C3orf62: variants seen among roughly 807,000 people sequenced by gnomAD.
The protein encoded by C3orf62 is uncharacterized protein C3orf62.
A neutral mutation model predicts 21.7 loss-of-function variants in C3orf62; 16 were observed. The observed-to-expected ratio is 0.74, with a 90% CI of 0.50 to 1.12. The LOEUF (loss-of-function observed/expected upper bound fraction) is 1.12, where lower values mean the gene tolerates loss of function less well. Ranked by LOEUF, C3orf62 falls within the 50% of genes most tolerant of loss-of-function variation. The pLI is 0.00. For synonymous variants in C3orf62, 114 were observed against 117.0 expected, an observed-to-expected ratio of 0.97 and a Z score of 0.17; for missense variants, 310 against 318.8, an observed-to-expected ratio of 0.97 and a Z score of 0.21.
At chr3:49,273,472 G>C (rs190451576) in intron 2 of C3orf62, among the ~76,000 whole-genome samples, 1 of 152,040 alleles carries the variant, frequency 6.6e-6, no homozygotes, top group Admixed American at 6.6e-5. Flanking sequence ...ATGAGGTCTC[G>C]CACAGTTGCC....
intron 1 of C3orf62, chr3:49,274,641 C>T (rs1397117995): frequency 6.6e-6 from 1 of 152,474 alleles, no homozygotes; most frequent in Non-Finnish European, 1.5e-5. Context: ...TCTCCTGCCT[C>T]AGCCTCCTGA....
chr3:49,275,789 C>G (rs1240433519), intron 1 of C3orf62, among the ~76,000 whole-genome samples: 1 of 151,964 alleles, frequency 6.6e-6, no homozygotes, highest in Non-Finnish European at 1.5e-5. Context: ...CTCGGCCTCC[C>G]AAAGTGCTGG....
intron 2 of C3orf62, among the ~76,000 whole-genome samples, chr3:49,273,639 C>T (rs565281896): frequency 5.9e-5 from 9 of 151,780 alleles, no homozygotes; most frequent in Non-Finnish European, 7.4e-5. Context: ...TGTATGGTAC[C>T]CAAGCTAGAA....
chr3:49,270,386 C>A lies in C3orf62; in HGVS notation c.*794G>T, dbSNP rs2046906112. 6.6e-6 allele frequency: 1 copy of A among 150,394 alleles called. No individual in the cohort carries two copies. The highest frequency in any genetic ancestry group is 6.7e-5 in the Admixed American group (1 of 14,982). The allele number at this position is 150,394 out of a possible 1,614,324, so 9.3% of individuals were successfully genotyped here. ...TTTCTTTTTTTTTTTGAGACAGGGT[C>A]TCACTCTGTCACTCATGCTGGAGTG... On this transcript the variant is annotated 3_prime_UTR_variant, in exon 3 of 3. Coordinates refer to ENST00000343010, the MANE Select transcript of C3orf62 (RefSeq NM_198562.3).
In C3orf62 at chr3:49,271,105, G is replaced by A. The variant is rs1007386943; in HGVS notation, c.*75C>T. ...CCTTTTGAGAAATGTGGCCCCTGAC[G>A]GCCATTGTAGCTGCTTCTGCTCAGG... On this transcript the variant is annotated 3_prime_UTR_variant, in exon 3 of 3. Transcript: ENST00000343010. The A allele has an allele frequency of 6.9e-7, 1 of 1,439,688 alleles. No individual in the cohort carries two copies. The highest frequency in any genetic ancestry group is 9.4e-7 in the Non-Finnish European group (1 of 1,059,386). 89.2% of individuals were successfully genotyped at this position (1,439,688 alleles called of 1,614,324 possible).
chr3:49,277,143 C>A lies in C3orf62; in HGVS notation c.-271G>T. The A allele has an allele frequency of 2.1e-6, 3 of 1,449,338 alleles. No individual in the cohort carries two copies. The highest frequency in any genetic ancestry group is 1.8e-6 in the Non-Finnish European group (2 of 1,091,202). 89.8% of individuals were successfully genotyped at this position (1,449,338 alleles called of 1,614,324 possible). The stretch of plus-strand genomic sequence containing the variant: ...GCTCCCAGGCCGCTGGCCCTACCGG[C>A]ACCCCCCCTTTGGCGAGTCGGCAGC... On this transcript the variant is annotated 5_prime_UTR_variant, in exon 1 of 3. Transcript: ENST00000343010.
intron 2 of C3orf62, among the ~76,000 whole-genome samples, chr3:49,273,452 T>C (rs891564482): frequency 5.3e-5 from 8 of 152,058 alleles, no homozygotes; most frequent in African/African-American, 1.9e-4. Context: ...GTGGTGTTTT[T>C]TCTTTTGAGA....
intron 2 of C3orf62, among the ~76,000 whole-genome samples, chr3:49,271,928 A>C (rs966124652): frequency 6.6e-6 from 1 of 151,336 alleles, no homozygotes; most frequent in African/African-American, 2.4e-5. Context: ...AAAAAAACAA[A>C]AAAAAAAAAC....
At chr3:49,272,534 CTTTTTTT>C (rs746086446) in intron 2 of C3orf62, among the ~76,000 whole-genome samples, 129 of 51,830 alleles carry the variant, frequency 2.5e-3, no homozygotes, top group African/African-American at 0.011. Flanking sequence ...TTCTCCTAAT[CTTTTTTT>C]TTTTTTTTTT....
intron 2 of C3orf62, among the ~76,000 whole-genome samples, chr3:49,272,456 C>G (rs1164167267): frequency 6.8e-6 from 1 of 147,180 alleles, no homozygotes; most frequent in African/African-American, 2.5e-5. Flanking sequence ...GTATGCTATA[C>G]TATATCTATA....
intron 1 of C3orf62, chr3:49,274,380 A>T: frequency 2.3e-6 from 1 of 444,236 alleles, no homozygotes; most frequent in Admixed American, 3.6e-5. Flanking sequence ...TCTTTTTTAG[A>T]GACAGGGTTT....
chr3:49,276,708 G>A lies in C3orf62; in HGVS notation c.165C>T (p.Ser55=), dbSNP rs1434865847. ...GGAGCCTGTGCACGGGCAGCGAGAA[G>A]GAGAGCGGCGCGGCGCTCAGTTCCA... The part of the protein sequence containing the change: ...QRLELSAAPL[S]FSLPVHRLLC... The change falls in exon 1 of 3, where the codon TCC becomes TCT. Residue 55 remains serine, a synonymous_variant. Coordinates refer to ENST00000343010, the MANE Select transcript of C3orf62 (RefSeq NM_198562.3). 13 of 1,614,098 alleles carry A rather than the reference G, an allele frequency of 8.1e-6. No individual in the cohort carries two copies. Among genetic ancestry groups the A allele is most frequent in the African/African-American group, 1.3e-5 (1 of 74,932 alleles).
In C3orf62 at chr3:49,271,430, C is replaced by T. The variant is rs770343603; in HGVS notation, c.554G>A (p.Arg185Gln). 10 of 1,613,632 alleles carry T rather than the reference C, an allele frequency of 6.2e-6. No homozygotes were observed. The highest frequency in any genetic ancestry group is 3.3e-5 in the Admixed American group (2 of 59,968). ...TTTTCCAGCCAATTCTTCAATAGTTCGGATGCTTGTATGGTCTTAAAAATA... is the reference window on the plus strand; with the variant it reads ...TTTTCCAGCCAATTCTTCAATAGTTTGGATGCTTGTATGGTCTTAAAAATA... ...LLDMIDHTSI[R>Q]TIEELAGKIE... The change falls in exon 3 of 3, where the codon CGA becomes CAA. Residue 185 changes from arginine (R) to glutamine (Q), a missense_variant. Physicochemically the swap from Arg to Gln is conservative, Grantham distance 43. Transcript: ENST00000343010.
chr3:49,269,484 C>CAGGCTATTCT lies in C3orf62; in HGVS notation c.*1686_*1695dup, dbSNP rs1371260389. 6.6e-6 allele frequency: 1 copy of CAGGCTATTCT among 152,250 alleles called. No homozygotes were observed. The highest frequency in any genetic ancestry group is 6.5e-5 in the Admixed American group (1 of 15,284). 9.4% of individuals were successfully genotyped at this position (152,250 alleles called of 1,614,324 possible). A position where few individuals can be genotyped will look rare whatever the true frequency, so the allele number is the denominator to read the frequency against. On this transcript the variant is annotated 3_prime_UTR_variant, in exon 3 of 3. Transcript: ENST00000343010. Reference sequence around the variant, plus strand: ...GTAGCCTGACATCTCTCCATCCAGACAGGCTATTCTTCACCTGAGCAGGGG... The same window carrying CAGGCTATTCT: ...GTAGCCTGACATCTCTCCATCCAGACAGGCTATTCTAGGCTATTCTTCACCTGAGCAGGGG...
Position 49,276,540 on chromosome 3 carries a change from T to C in C3orf62, c.333A>G (p.Arg111=), listed in dbSNP as rs1455983077. 3 of 1,614,110 alleles carry C rather than the reference T, an allele frequency of 1.9e-6. No individual in the cohort carries two copies. Among genetic ancestry groups the C allele is most frequent in the Non-Finnish European group, 2.5e-6 (3 of 1,180,048 alleles). The change falls in exon 1 of 3, where the codon AGA becomes AGG. Residue 111 remains arginine (R), a synonymous_variant. Transcript: ENST00000343010. ...NAKPHALCPE[R]KPLTSKENVL... ...CATTTTCCTTGCTGGTTAGAGGTTT[T>C]CTCTCGGGGCACAGAGCATGTGGTT...
Position 49,270,033 on chromosome 3 carries a change from A to G in C3orf62, c.*1147T>C, listed in dbSNP as rs2046904290. ...TTATAAACAGCCCTGGCTGGTCCAA[A>G]GGTAGTGAGTTATCTCAATCGACTA... On this transcript the variant is annotated 3_prime_UTR_variant, in exon 3 of 3. Transcript: ENST00000343010. 6.6e-6 allele frequency: 1 copy of G among 152,240 alleles called. No individual in the cohort carries two copies. The highest frequency in any genetic ancestry group is 6.5e-5 in the Admixed American group (1 of 15,288). 9.4% of individuals were successfully genotyped at this position (152,240 alleles called of 1,614,324 possible). A position where few individuals can be genotyped will look rare whatever the true frequency, so the allele number is the denominator to read the frequency against.
At chr3:49,273,189 C>T (rs1197001102) in intron 2 of C3orf62, among the ~76,000 whole-genome samples, 2 of 152,166 alleles carry the variant, frequency 1.3e-5, no homozygotes, top group African/African-American at 4.8e-5. Context: ...TGGGAGGCCA[C>T]AGTAAGTGGA....
rs760829741 is a variant in C3orf62, at chr3:49,274,158, G to C, written c.447-18C>G. 7 of 1,590,074 alleles carry C rather than the reference G, an allele frequency of 4.4e-6. No homozygotes were observed. The African/African-American group carries it at 5.4e-5, about 12-fold the overall frequency. ...TATCTTTCCTGCAGCCCCCAGGTGG[G>C]GGGGAAGAAAAGGTGGGGAATTAGA... On this transcript the variant is annotated intron_variant, in intron 1 of 2. Transcript: ENST00000343010.
At chr3:49,274,302 A>C in intron 1 of C3orf62, 162 bp from the exon 2 acceptor site, 2 of 595,756 alleles carry the variant, frequency 3.4e-6, no homozygotes, top group Middle Eastern at 3.6e-4. Context: ...CTGCTACATC[A>C]GTGGAGAAAT....
Sources: allele counts gnomAD v4.1 joint callset (sites outside exome capture counted in the v4.1 genomes callset), GRCh38; gene constraint gnomAD v4.1.1; transcripts MANE v1.5; gene names NCBI Gene and HGNC (gene_info 2026-07-23, HGNC 2026-07-21).